Variants in DNAH6 observed in about 807,000 individuals in gnomAD.
DNAH6 encodes the protein dynein axonemal heavy chain 6.
DNAH6 carries 340 observed loss-of-function variants against 491.4 expected under a neutral mutation model. The ratio of observed to expected loss-of-function variants is 0.69; its 90% CI spans 0.63 to 0.76. The LOEUF is 0.76. Ranked by LOEUF, DNAH6 falls within the 30% of genes least tolerant of loss-of-function variation. The pLI is 0.00. For synonymous variants in DNAH6, 1,603 were observed against 1,686.1 expected (o/e 0.95, Z 1.21); for missense variants, 4,443 against 4,972.2 (o/e 0.89, Z 3.20).
chr2:84,726,286 A>G (rs1027715595), intron 60 of DNAH6, among the ~76,000 whole-genome samples: 2 of 152,020 alleles, frequency 1.3e-5, no homozygotes, highest in Admixed American at 6.6e-5. Context: ...GGCAGGTACT[A>G]CCTCACCTCC....
At chr2:84,584,445 G>A (rs1000934393) in intron 15 of DNAH6, 195 bp downstream of exon 15, 1 of 584,538 alleles carries the variant, frequency 1.7e-6, no homozygotes, top group Non-Finnish European at 2.9e-6. Flanking sequence ...ATCATTTTTT[G>A]TGGTGAGAAT....
intron 32 of DNAH6, among the ~76,000 whole-genome samples, chr2:84,640,826 G>A (rs1226583663): frequency 2.6e-5 from 4 of 152,156 alleles, no homozygotes; most frequent in Non-Finnish European, 5.9e-5. Flanking sequence ...GCTAGGCTTA[G>A]GATAATATTC....
At chr2:84,574,901 C>A (rs1409248816) in intron 12 of DNAH6, among the ~76,000 whole-genome samples, 1 of 152,176 alleles carries the variant, frequency 6.6e-6, no homozygotes, top group African/African-American at 2.4e-5. Context: ...ACTGTGATCC[C>A]TCAGCAAGTT....
intron 63 of DNAH6, 84 bp from the exon 64 acceptor site, chr2:84,762,671 C>T (rs1674701672): frequency 3.1e-6 from 3 of 956,136 alleles, no homozygotes; most frequent in Admixed American, 2.5e-5. Context: ...GGACACCAAC[C>T]TCTGAGGAGC....
intron 18 of DNAH6, among the ~76,000 whole-genome samples, chr2:84,603,649 A>G (rs767196007): frequency 6.6e-6 from 1 of 152,104 alleles, no homozygotes; most frequent in East Asian, 1.9e-4. Context: ...TTCCAGCTAT[A>G]GTGCTGAGCC....
intron 18 of DNAH6, among the ~76,000 whole-genome samples, chr2:84,596,887 G>A (rs1207380915): frequency 1.3e-5 from 2 of 152,044 alleles, no homozygotes; most frequent in Non-Finnish European, 2.9e-5. Flanking sequence ...ATTTGTTAAA[G>A]TCTGCATTCC....
In DNAH6 at chr2:84,529,047, C is replaced by A. The variant is rs534025182; in HGVS notation, c.543C>A (p.Ala181=). Residue 181 remains alanine (A), a synonymous_variant, in exon 4 of 77, where the codon GCC becomes GCA. Transcript: ENST00000389394. ...ACGACCGAGAAGAAGTTGTTAAAGC[C>A]AACATTCGTGATCCCTTGCAAATCA... ...TFHDREEVVK[A]NIRDPLQIIK... 6.4e-7 allele frequency: 1 copy of A among 1,551,260 alleles called. No individual in the cohort carries two copies. The highest frequency in any genetic ancestry group is 1.4e-5 in the African/African-American group (1 of 73,070).
Position 84,719,284 on chromosome 2 carries a change from C to T in DNAH6, c.9792+900C>T, listed in dbSNP as rs7585155. ...TTCATAGATCTCTTTATCCTCCTGT[C>T]GTTCATTCTTCCTTGGGTTTTTTAT... On this transcript the variant is annotated intron_variant, in intron 59 of 76. Transcript: ENST00000389394. Among the ~76,000 whole-genome samples the T allele has an allele frequency of 5.3e-3, 811 of 152,188 alleles. 7 individuals are homozygous for T. The highest frequency in any genetic ancestry group is 0.018 in the African/African-American group (747 of 41,508).
At chr2:84,762,107 G>T (rs1674646181) in intron 63 of DNAH6, among the ~76,000 whole-genome samples, 1 of 152,114 alleles carries the variant, frequency 6.6e-6, no homozygotes, top group Non-Finnish European at 1.5e-5. Context: ...TAGGATCAGT[G>T]AAAGAACCAA....
intron 60 of DNAH6, among the ~76,000 whole-genome samples, chr2:84,724,352 G>A (rs1489263148): frequency 1.3e-5 from 2 of 152,140 alleles, no homozygotes; most frequent in Non-Finnish European, 2.9e-5. Flanking sequence ...CACAGACCTA[G>A]GTCCTAAATG....
chr2:84,674,540 G>A (rs772250633), intron 40 of DNAH6, among the ~76,000 whole-genome samples: 7 of 152,270 alleles, frequency 4.6e-5, no homozygotes, highest in Admixed American at 2.6e-4. Flanking sequence ...AGTAGGTCTC[G>A]AGAAAGGGGC....
chr2:84,563,139 G>C (rs1573029105), intron 11 of DNAH6, among the ~76,000 whole-genome samples: 1 of 152,138 alleles, frequency 6.6e-6, no homozygotes, highest in South Asian at 2.1e-4. Flanking sequence ...GGCCTCCCCA[G>C]CCATGTGGAA....
chr2:84,774,256 G>A (rs1026587900), intron 64 of DNAH6, among the ~76,000 whole-genome samples: 18 of 152,044 alleles, frequency 1.2e-4, no homozygotes, highest in African/African-American at 4.3e-4. Context: ...TGAAACATAA[G>A]AGTCCAGTTT....
At chr2:84,668,633 C>A (rs1692407990) in intron 37 of DNAH6, among the ~76,000 whole-genome samples, 1 of 152,092 alleles carries the variant, frequency 6.6e-6, no homozygotes, top group South Asian at 2.1e-4. Flanking sequence ...ACTTCTAATC[C>A]TGTTTTTTCA....
At chr2:84,638,737 T>G (rs1260494486) in intron 31 of DNAH6, among the ~76,000 whole-genome samples, 1 of 152,302 alleles carries the variant, frequency 6.6e-6, no homozygotes. Flanking sequence ...GGGTAATTTA[T>G]GAAGAAAAGA....
chr2:84,733,527 T>G lies in DNAH6; in HGVS notation c.10290T>G (p.Val3430=), dbSNP rs1394762157. 1.9e-6 allele frequency: 3 copies of G among 1,551,664 alleles called. No individual in the cohort carries two copies. The Admixed American group carries it at 5.9e-5, about 30-fold the overall frequency. The change falls in exon 62 of 77, where the codon GTT becomes GTG. Residue 3430 remains valine, a synonymous_variant. Coordinates refer to ENST00000389394, the MANE Select transcript of DNAH6 (RefSeq NM_001370.2). ...GTGACTTGGAAGAATCATTTCCAGT[T>G]TTTCACGGACTTACCCAAAATATAT... The part of the protein sequence containing the change: ...ACCDLEESFP[V]FHGLTQNILS...
chr2:84,706,383 A>C (rs570791817), intron 52 of DNAH6, among the ~76,000 whole-genome samples: 1 of 152,240 alleles, frequency 6.6e-6, no homozygotes, highest in East Asian at 1.9e-4. Context: ...CTGGAGTTCA[A>C]ATTTCACACA....
intron 11 of DNAH6, among the ~76,000 whole-genome samples, chr2:84,564,335 A>C (rs1462095593): frequency 6.6e-6 from 1 of 152,094 alleles, no homozygotes; most frequent in Non-Finnish European, 1.5e-5. Flanking sequence ...CGAGCATGGA[A>C]TCTTTTTCCA....
intron 61 of DNAH6, among the ~76,000 whole-genome samples, chr2:84,728,852 C>T (rs1293433109): frequency 6.6e-6 from 1 of 152,004 alleles, no homozygotes; most frequent in African/African-American, 2.4e-5. Context: ...GAGGTGAGCC[C>T]CCAAACCTTG....
Sources: allele counts gnomAD v4.1 joint callset (sites outside exome capture counted in the v4.1 genomes callset), GRCh38; gene constraint gnomAD v4.1.1; transcripts MANE v1.5; gene names NCBI Gene and HGNC (gene_info 2026-07-23, HGNC 2026-07-21).